The following C12orf50 variants were observed in gnomAD, a reference collection of about 807,000 sequenced individuals.
C12orf50 encodes uncharacterized protein C12orf50.
In C12orf50, 35 loss-of-function variants were observed where a neutral mutation model predicts 61.6. The observed-to-expected ratio is 0.57, with a 90% CI of 0.43 to 0.75. The LOEUF (loss-of-function observed/expected upper bound fraction) is 0.75. C12orf50 is among the 30% of genes least tolerant of loss of function. C12orf50 has a pLI of 0.00. For synonymous variants in C12orf50, 178 were observed against 161.5 expected, an observed-to-expected ratio of 1.10 and a Z score of -0.77; for missense variants, 475 against 488.5, an observed-to-expected ratio of 0.97 and a Z score of 0.26.
Position 87,980,200 on chromosome 12 carries a change from T to G in C12orf50, c.*131A>C, listed in dbSNP as rs1475364938. 1.1e-6 allele frequency: 1 copy of G among 896,650 alleles called. No individual in the cohort carries two copies. Among genetic ancestry groups the G allele is most frequent in the African/African-American group, 1.7e-5 (1 of 59,026 alleles). 55.5% of individuals were successfully genotyped at this position (896,650 alleles called of 1,614,324 possible). A position where few individuals can be genotyped will look rare whatever the true frequency, so the allele number is the denominator to read the frequency against. ...ATCTTATTTTCAGAATTTGCATTTT[T>G]ATCATCTTTGGCTATCCACTACATA... On this transcript the variant is annotated 3_prime_UTR_variant, in exon 13 of 13. Coordinates refer to ENST00000298699, the MANE Select transcript of C12orf50 (RefSeq NM_152589.3).
intron 1 of C12orf50, among the ~76,000 whole-genome samples, chr12:88,028,723 A>G (rs1397683497): frequency 1.3e-5 from 2 of 152,154 alleles, no homozygotes; most frequent in Admixed American, 1.3e-4. Flanking sequence ...TAACTAAAAC[A>G]ATATCTTGTA....
intron 3 of C12orf50, among the ~76,000 whole-genome samples, chr12:88,005,251 T>C (rs2031812216): frequency 2.0e-5 from 3 of 152,218 alleles, no homozygotes; most frequent in African/African-American, 7.2e-5. Context: ...GTTGTTTGCT[T>C]TTTAATTTTT....
At chr12:88,024,038 A>G (rs1162775817) in intron 3 of C12orf50, among the ~76,000 whole-genome samples, 1 of 152,198 alleles carries the variant, frequency 6.6e-6, no homozygotes, top group African/African-American at 2.4e-5. Context: ...GCTCAACATC[A>G]CTAATCATCA....
At chr12:87,983,642 T>G (rs1053154694) in intron 11 of C12orf50, 2 of 151,548 alleles carry the variant, frequency 1.3e-5, no homozygotes, top group African/African-American at 4.8e-5. Context: ...CATGCGGTGT[T>G]TGGTTTTTTG....
chr12:87,999,850 AAAGT>A (rs151204246), intron 3 of C12orf50, among the ~76,000 whole-genome samples: 5,866 of 152,278 alleles, frequency 0.039, 165 homozygotes, highest in Non-Finnish European at 0.054. Flanking sequence ...CTGGCTATAA[AAAGT>A]AATAAAGTAC....
At chr12:88,023,015 A>G (rs1565762532) in intron 3 of C12orf50, among the ~76,000 whole-genome samples, 1 of 152,188 alleles carries the variant, frequency 6.6e-6, no homozygotes, top group African/African-American at 2.4e-5. Flanking sequence ...TTTTAAAATT[A>G]ATGTGGAACC....
chr12:87,984,755 T>C (rs1351708579), intron 11 of C12orf50: 1 of 152,202 alleles, frequency 6.6e-6, no homozygotes, highest in Admixed American at 6.5e-5. Context: ...ACATTTGCAC[T>C]AATGGTGCAA....
chr12:87,987,390 G>A (rs2030878592), intron 9 of C12orf50, among the ~76,000 whole-genome samples: 1 of 152,006 alleles, frequency 6.6e-6, no homozygotes, highest in Non-Finnish European at 1.5e-5. Flanking sequence ...ATATTATAGG[G>A]GTTCAATAAA....
chr12:87,999,291 G>T (rs953759884), intron 3 of C12orf50, among the ~76,000 whole-genome samples: 1 of 152,074 alleles, frequency 6.6e-6, no homozygotes, highest in Admixed American at 6.6e-5. Flanking sequence ...CAAGTGTGAT[G>T]GCGCACACCT....
intron 12 of C12orf50, among the ~76,000 whole-genome samples, chr12:87,980,861 A>G (rs1446176088): frequency 3.3e-5 from 5 of 152,204 alleles, no homozygotes; most frequent in African/African-American, 7.2e-5. Context: ...CTAGAGGAAC[A>G]GACTCATGGC....
At chr12:88,029,535 A>C (rs1286629278), upstream of C12orf50, 1 of 152,280 alleles carries the variant, frequency 6.6e-6, no homozygotes, top group Non-Finnish European at 1.5e-5. Flanking sequence ...ACTCAGTTTT[A>C]GCATATTAAC....
chr12:88,023,261 G>A (rs887484287), intron 3 of C12orf50, among the ~76,000 whole-genome samples: 12 of 149,546 alleles, frequency 8.0e-5, no homozygotes, highest in African/African-American at 3.1e-4. Flanking sequence ...ACAGGGAGAG[G>A]ACTCCCCTTT....
chr12:88,012,106 G>C (rs886942353), intron 3 of C12orf50, among the ~76,000 whole-genome samples: 1 of 152,142 alleles, frequency 6.6e-6, no homozygotes, highest in African/African-American at 2.4e-5. Context: ...AACAAGGTGG[G>C]GGAAAGGAGC....
intron 6 of C12orf50, among the ~76,000 whole-genome samples, chr12:87,995,695 TTC>T (rs1555186445): frequency 1.3e-5 from 2 of 152,184 alleles, no homozygotes; most frequent in Admixed American, 6.5e-5. Context: ...CTTTTGTTTT[TTC>T]TTCTCTGAGC....
At chr12:87,987,822 C>T (rs1418312874) in intron 9 of C12orf50, 28 bp downstream of exon 9, 2 of 1,416,494 alleles carry the variant, frequency 1.4e-6, no homozygotes, top group South Asian at 1.2e-5. Context: ...ATATCTGAGG[C>T]CAAAAAGTGA....
At position 87,980,100 on chromosome 12, in the gene C12orf50, C is replaced by A; in HGVS notation, c.*231G>T. The A allele has an allele frequency of 2.0e-6, 1 of 511,596 alleles. No homozygotes were observed. The highest frequency in any genetic ancestry group is 3.4e-6 in the Non-Finnish European group (1 of 291,810). The allele number at this position is 511,596 out of a possible 1,614,324, so 31.7% of individuals were successfully genotyped here. A position where few individuals can be genotyped will look rare whatever the true frequency, so the allele number is the denominator to read the frequency against. On this transcript the variant is annotated 3_prime_UTR_variant, in exon 13 of 13. Transcript: ENST00000298699. ...AGTAATGCACGGAATGAATTCCAGA[C>A]CTACATAAATACACTGGCAGCTGTT...
chr12:88,021,301 CAA>C lies in C12orf50; in HGVS notation c.133+5185_133+5186del, dbSNP rs71082421. ...AGACTGCTACCTAGACTAATAAAGA[CAA>C]AAAAAAAAAAAGAGAAGATCCAAGT... On this transcript the variant is annotated intron_variant, in intron 3 of 12. Coordinates refer to ENST00000298699, the MANE Select transcript of C12orf50 (RefSeq NM_152589.3). 2.7e-3 allele frequency among the ~76,000 whole-genome samples: 388 copies of C among 145,204 alleles called. 2 individuals are homozygous for C. The highest frequency in any genetic ancestry group is 0.013 in the South Asian group (60 of 4,604).
At chr12:88,023,549 T>C (rs1209616733) in intron 3 of C12orf50, among the ~76,000 whole-genome samples, 1 of 150,430 alleles carries the variant, frequency 6.6e-6, no homozygotes, top group Non-Finnish European at 1.5e-5. Context: ...GTGCCTGTGG[T>C]CTCAGCTACT....
At chr12:88,023,245 T>TA (rs564700256) in intron 3 of C12orf50, among the ~76,000 whole-genome samples, 34 of 151,982 alleles carry the variant, frequency 2.2e-4, no homozygotes, top group African/African-American at 8.0e-4. Flanking sequence ...GTGACAAAAA[T>TA]AAGAAACAGG....
Sources: allele counts gnomAD v4.1 joint callset (sites outside exome capture counted in the v4.1 genomes callset), GRCh38; gene constraint gnomAD v4.1.1; transcripts MANE v1.5; gene names NCBI Gene and HGNC (gene_info 2026-07-23, HGNC 2026-07-21).